UBE3D: variants seen among roughly 807,000 people sequenced by gnomAD.
The protein encoded by UBE3D is ubiquitin protein ligase E3D.
In UBE3D, 48 loss-of-function variants were observed where a neutral mutation model predicts 49.6. The ratio of observed to expected loss-of-function variants is 0.97; its 90% CI spans 0.77 to 1.23. The LOEUF (loss-of-function observed/expected upper bound fraction) is 1.23, where lower values mean the gene tolerates loss of function less well. UBE3D is among the 50% of genes most tolerant of loss of function. The pLI, the probability that UBE3D is intolerant of heterozygous loss-of-function variation, is 0.00. For synonymous variants in UBE3D, 189 were observed against 174.2 expected, an observed-to-expected ratio of 1.08 and a Z score of -0.67; for missense variants, 452 against 468.4, an observed-to-expected ratio of 0.96 and a Z score of 0.32.
At chr6:82,939,983 C>T (rs540961514) in intron 9 of UBE3D, among the ~76,000 whole-genome samples, 23 of 152,300 alleles carry the variant, frequency 1.5e-4, no homozygotes, top group Admixed American at 2.6e-4. Context: ...CAGAAACTGT[C>T]CAGCTTTGCC....
intron 9 of UBE3D, among the ~76,000 whole-genome samples, chr6:82,949,275 AAC>A (rs1328696487): frequency 6.6e-6 from 1 of 152,072 alleles, no homozygotes; most frequent in African/African-American, 2.4e-5. Context: ...AATAGCTACA[AAC>A]AGAGTAAAAT....
chr6:82,992,515 G>A lies in UBE3D; in HGVS notation c.1010+26458C>T, dbSNP rs904810445. The stretch of plus-strand genomic sequence containing the variant: ...TGGGATTACAGGCGTGAGCCACCAC[G>A]CCCAGCTGACATCCATATTCTTTAG... On this transcript the variant is annotated intron_variant, in intron 8 of 9. Transcript: ENST00000369747. Among the ~76,000 whole-genome samples, 8 of 152,142 alleles carry A rather than the reference G, an allele frequency of 5.3e-5. No individual in the cohort carries two copies. The East Asian group carries it at 5.8e-4, about 11-fold the overall frequency.
intron 3 of UBE3D, among the ~76,000 whole-genome samples, chr6:83,050,347 A>G (rs1783391228): frequency 6.6e-6 from 1 of 152,140 alleles, no homozygotes; most frequent in African/African-American, 2.4e-5. Context: ...TTGATCAGGT[A>G]ATTTTCATGT....
At chr6:82,941,228 T>C (rs1490170680) in intron 9 of UBE3D, among the ~76,000 whole-genome samples, 3 of 152,110 alleles carry the variant, frequency 2.0e-5, no homozygotes, top group Non-Finnish European at 2.9e-5. Flanking sequence ...ACAATTACTT[T>C]AAAATGTCAA....
intron 9 of UBE3D, among the ~76,000 whole-genome samples, chr6:82,902,208 G>C (rs549075911): frequency 6.6e-5 from 10 of 152,152 alleles, no homozygotes; most frequent in Non-Finnish European, 1.0e-4. Flanking sequence ...TATGAGAGTA[G>C]AGCCATTCGA....
At chr6:83,063,447 A>G (rs1311891262) in intron 1 of UBE3D, among the ~76,000 whole-genome samples, 1 of 150,662 alleles carries the variant, frequency 6.6e-6, no homozygotes, top group African/African-American at 2.4e-5. Flanking sequence ...AGAAAAGAAA[A>G]TGAAAAGTTA....
intron 8 of UBE3D, among the ~76,000 whole-genome samples, chr6:83,004,453 A>T (rs552794101): frequency 3.0e-4 from 46 of 152,300 alleles, no homozygotes; most frequent in Middle Eastern, 3.4e-3. Context: ...TCTCAATTGT[A>T]AAATGTAAGA....
intron 8 of UBE3D, among the ~76,000 whole-genome samples, chr6:83,005,415 G>A (rs79556953): frequency 0.056 from 8,549 of 151,928 alleles, 422 homozygotes; most frequent in African/African-American, 0.13. Context: ...TATAAAAGAC[G>A]GTATGAAGGT....
intron 9 of UBE3D, among the ~76,000 whole-genome samples, chr6:82,935,131 G>T (rs1774471051): frequency 6.6e-6 from 1 of 150,786 alleles, no homozygotes. Flanking sequence ...CATGGTGCTG[G>T]CATCTGCTTG....
chr6:82,980,119 G>C lies in UBE3D; in HGVS notation c.1011-22669C>G, dbSNP rs376064475. On this transcript the variant is annotated intron_variant, in intron 8 of 9. Transcript: ENST00000369747. ...CCTTTAGGTAAATACCCAGTAGTGG[G>C]ATTGCTAGATTGAATGGTAGTTCTA... Among the ~76,000 whole-genome samples the C allele has an allele frequency of 2.2e-3, 333 of 152,212 alleles. 3 individuals carry two copies. Among genetic ancestry groups the C allele is most frequent in the African/African-American group, 7.6e-3 (317 of 41,548 alleles).
At chr6:82,885,160 AG>A in the UBE3D span, among the ~76,000 whole-genome samples, 5 of 145,140 alleles carry the variant, frequency 3.4e-5, no homozygotes, top group African/African-American at 1.3e-4. Flanking sequence ...AAAGTAGAAT[AG>A]AAAAAAAAAA....
At position 82,995,490 on chromosome 6, in the gene UBE3D, T is replaced by TCACACACACACACACACACACA. The variant is rs56663287; in HGVS notation, c.1010+23461_1010+23482dup. On this transcript the variant is annotated intron_variant, in intron 8 of 9. Coordinates refer to ENST00000369747, the MANE Select transcript of UBE3D (RefSeq NM_198920.3). Reference sequence around the variant, plus strand: ...CCAGATAAAGGATTAATACTAACAATCACACACACACACACACACACACAC... The same window carrying TCACACACACACACACACACACA: ...CCAGATAAAGGATTAATACTAACAATCACACACACACACACACACACACACACACACACACACACACACACAC... 8.7e-5 allele frequency among the ~76,000 whole-genome samples: 12 copies of TCACACACACACACACACACACA among 138,178 alleles called. 2 individuals carry two copies. In the South Asian group the frequency reaches 9.6e-4, roughly 11 times the overall value. The allele number at this position is 138,178 out of a possible 152,430, so 90.7% of individuals were successfully genotyped here.
At chr6:82,897,842 A>G (rs1771441007) in intron 9 of UBE3D, among the ~76,000 whole-genome samples, 1 of 152,158 alleles carries the variant, frequency 6.6e-6, no homozygotes, top group Non-Finnish European at 1.5e-5. Flanking sequence ...TGTGTTGGAT[A>G]AATACTAAAA....
At chr6:82,929,439 T>C (rs1339881216) in intron 9 of UBE3D, among the ~76,000 whole-genome samples, 3 of 152,224 alleles carry the variant, frequency 2.0e-5, no homozygotes, top group African/African-American at 7.2e-5. Context: ...AAAATTTCTT[T>C]ACTGATTTTA....
chr6:83,051,242 G>A (rs1783448924), intron 3 of UBE3D, among the ~76,000 whole-genome samples: 1 of 152,156 alleles, frequency 6.6e-6, no homozygotes, highest in African/African-American at 2.4e-5. Flanking sequence ...CAGCTACTAA[G>A]TCAAGAAGCT....
At chr6:82,947,429 A>G (rs1453762302) in intron 9 of UBE3D, among the ~76,000 whole-genome samples, 1 of 152,086 alleles carries the variant, frequency 6.6e-6, no homozygotes, top group East Asian at 1.9e-4. Context: ...CTTAATCTGC[A>G]CTATGGACCA....
chr6:82,911,124 C>CTTAT (rs1263824181), intron 9 of UBE3D, among the ~76,000 whole-genome samples: 4 of 129,682 alleles, frequency 3.1e-5, no homozygotes, highest in Non-Finnish European at 6.2e-5. Flanking sequence ...TCACTATAGC[C>CTTAT]ATAATGTCAT....
chr6:82,909,508 C>T (rs1772346074), intron 9 of UBE3D, among the ~76,000 whole-genome samples: 1 of 152,160 alleles, frequency 6.6e-6, no homozygotes, highest in African/African-American at 2.4e-5. Context: ...CTGCAGAGCT[C>T]CTTCAATATT....
At chr6:83,023,010 T>A (rs1781213149) in intron 6 of UBE3D, among the ~76,000 whole-genome samples, 1 of 152,194 alleles carries the variant, frequency 6.6e-6, no homozygotes, top group African/African-American at 2.4e-5. Flanking sequence ...AATCAAAGTA[T>A]TTACATAAGG....
Sources: allele counts gnomAD v4.1 joint callset (sites outside exome capture counted in the v4.1 genomes callset), GRCh38; gene constraint gnomAD v4.1.1; transcripts MANE v1.5; gene names NCBI Gene and HGNC (gene_info 2026-07-23, HGNC 2026-07-21).